RBM41: variants seen among roughly 807,000 people sequenced by gnomAD.
RBM41 encodes the protein RNA binding motif protein 41, also known as RNA-binding protein 41.
In RBM41, 14 loss-of-function variants were observed where a neutral mutation model predicts 30.8. The ratio of observed to expected loss-of-function variants is 0.45; its 90% CI spans 0.30 to 0.71. The LOEUF (loss-of-function observed/expected upper bound fraction) is 0.71. RBM41 is among the 30% of genes least tolerant of loss of function. The pLI is 0.08. For synonymous variants in RBM41, 120 were observed against 110.1 expected (o/e 1.09, Z -0.56); for missense variants, 276 against 326.3 (o/e 0.85, Z 1.19).
chrX:107,052,674 C>G, the RBM41 span, among the ~76,000 whole-genome samples: 31 of 105,598 alleles, frequency 2.9e-4, no homozygotes, highest in East Asian at 9.2e-4. Context: ...TTTGAAGAAC[C>G]ATTTGTAGCT....
chrX:107,069,579 C>T (rs751704739), intron 6 of RBM41, 177 bp from the exon 7 acceptor site: 28 of 397,819 alleles, frequency 7.0e-5, no homozygotes, highest in Admixed American at 2.1e-4. Flanking sequence ...CTCAGCCTCC[C>T]GAGTAGCTGG....
At position 107,116,072 on chromosome X, in the gene RBM41, G is replaced by A. The variant is rs373480691; in HGVS notation, c.126-18C>T. 77 of 1,134,880 alleles carry A rather than the reference G, an allele frequency of 6.8e-5. No individual in the cohort carries two copies. In the African/African-American group the frequency reaches 1.2e-3, roughly 17 times the overall value. 93.5% of individuals were successfully genotyped at this position (1,134,880 alleles called of 1,213,427 possible). ...ACATACATCTGCAAAACATGCAGGA[G>A]GAGAGTAAGAACATCTTGAGGTTAC... On this transcript the variant is annotated intron_variant, in intron 2 of 7. Transcript: ENST00000685964.
Position 107,066,577 on chromosome X carries a change from G to GA in RBM41, c.*949dup. The GA allele has an allele frequency of 3.2e-6, 1 of 315,575 alleles. No individual in the cohort carries two copies. The highest frequency in any genetic ancestry group is 4.2e-6 in the Non-Finnish European group (1 of 239,553). The allele number at this position is 315,575 out of a possible 1,213,427, so 26.0% of individuals were successfully genotyped here. A position where few individuals can be genotyped will look rare whatever the true frequency, so the allele number is the denominator to read the frequency against. On this transcript the variant is annotated 3_prime_UTR_variant, in exon 8 of 8. Transcript: ENST00000685964. ...GCATTATTATCCTCACTTTATAGATGAAAAATGTGAGGCTCAGATTAAGTG... is the reference window on the plus strand; with the variant it reads ...GCATTATTATCCTCACTTTATAGATGAAAAAATGTGAGGCTCAGATTAAGTG...
chrX:107,103,816 A>G (rs914979657), intron 5 of RBM41, among the ~76,000 whole-genome samples: 8 of 111,659 alleles, frequency 7.2e-5, no homozygotes, highest in Non-Finnish European at 1.5e-4. Flanking sequence ...AAAAATCACA[A>G]CACTAGTTGC....
At chrX:107,099,740 CA>C (rs1310402672) in intron 5 of RBM41, among the ~76,000 whole-genome samples, 1 of 109,375 alleles carries the variant, frequency 9.1e-6, no homozygotes, top group Non-Finnish European at 1.9e-5. Context: ...AACACGAAGG[CA>C]GGGGAACTGT....
intron 4 of RBM41, chrX:107,114,204 C>G (rs1924718138): frequency 9.0e-6 from 1 of 111,509 alleles, no homozygotes; most frequent in Admixed American, 9.5e-5. Context: ...CTACCTCTCT[C>G]CAATTTCACT....
intron 6 of RBM41, 45 bp downstream of exon 6, chrX:107,088,391 A>C (rs1426771619): frequency 8.8e-7 from 1 of 1,136,661 alleles, no homozygotes; most frequent in South Asian, 2.0e-5. Flanking sequence ...AGAGGTAAAT[A>C]AAAGCGAAAT....
At chrX:107,058,783 C>T (rs956754309), downstream of RBM41, among the ~76,000 whole-genome samples, 1 of 111,624 alleles carries the variant, frequency 9.0e-6, no homozygotes, top group East Asian at 2.8e-4. Flanking sequence ...GGAGGCTGTA[C>T]ATCTGAGATC....
In RBM41 at chrX:107,065,647, T is replaced by G; in HGVS notation, c.*1880A>C. ...GTATATGTTTATAGTTTTTTTATAT[T>G]AAACTTATTTCCTATTTCACGTTCT... is the stretch of plus-strand genomic sequence containing the variant. On this transcript the variant is annotated 3_prime_UTR_variant, in exon 8 of 8. Transcript: ENST00000685964. 1.2e-6 allele frequency: 1 copy of G among 805,905 alleles called. No individual in the cohort carries two copies. Among genetic ancestry groups the G allele is most frequent in the African/African-American group, 2.1e-5 (1 of 47,467 alleles). The allele number at this position is 805,905 out of a possible 1,213,427, so 66.4% of individuals were successfully genotyped here.
At chrX:107,077,453 A>T (rs1152336) in intron 6 of RBM41, among the ~76,000 whole-genome samples, 5,326 of 110,590 alleles carry the variant, frequency 0.048, 337 homozygotes, top group African/African-American at 0.17. Context: ...ATTTTTAAAA[A>T]TAAAGAGGAC....
intron 6 of RBM41, among the ~76,000 whole-genome samples, chrX:107,085,994 A>C (rs1243279898): frequency 8.9e-6 from 1 of 112,258 alleles, no homozygotes; most frequent in African/African-American, 3.2e-5. Flanking sequence ...ATCCCTATAA[A>C]TAAATATGAA....
rs924482316 is a variant in RBM41 at position 107,066,077 on chromosome X, T to C, written c.*1450A>G. On this transcript the variant is annotated 3_prime_UTR_variant, in exon 8 of 8. Coordinates refer to ENST00000685964, the MANE Select transcript of RBM41 (RefSeq NM_001324242.2). ...TTATTTCACGTTCATTTTTGAAAAATAGTTTTATTGTATATAGGATTATTG... is the reference window on the plus strand; with the variant it reads ...TTATTTCACGTTCATTTTTGAAAAACAGTTTTATTGTATATAGGATTATTG... 1.8e-5 allele frequency among the ~76,000 whole-genome samples: 2 copies of C among 111,842 alleles called. No homozygotes were observed. Among genetic ancestry groups the C allele is most frequent in the Non-Finnish European group, 3.8e-5 (2 of 53,118 alleles).
At chrX:107,110,750 T>C (rs1161674612) in intron 5 of RBM41, among the ~76,000 whole-genome samples, 3 of 111,546 alleles carry the variant, frequency 2.7e-5, no homozygotes, top group African/African-American at 9.7e-5. Context: ...CAGGTATATA[T>C]AGTCAAATGA....
At chrX:107,073,844 T>C (rs1173186996) in intron 6 of RBM41, among the ~76,000 whole-genome samples, 1 of 112,001 alleles carries the variant, frequency 8.9e-6, no homozygotes, top group Non-Finnish European at 1.9e-5. Context: ...GAGAATATTA[T>C]GTTTAGTGAA....
intron 6 of RBM41, among the ~76,000 whole-genome samples, chrX:107,086,947 T>C (rs1259916393): frequency 8.9e-6 from 1 of 112,141 alleles, no homozygotes; most frequent in Non-Finnish European, 1.9e-5. Context: ...TGTAGAATGA[T>C]AGAGTATGTC....
chrX:107,111,988 T>C (rs1924526432), intron 5 of RBM41, among the ~76,000 whole-genome samples: 1 of 111,298 alleles, frequency 9.0e-6, no homozygotes, highest in African/African-American at 3.3e-5. Flanking sequence ...AAGTACTTAA[T>C]GCCATAGAAC....
rs994519645 is a variant in RBM41 at position 107,063,193 on chromosome X, C to G, written c.*4334G>C. 9.0e-6 allele frequency among the ~76,000 whole-genome samples: 1 copy of G among 111,064 alleles called. No homozygotes were observed. The highest frequency in any genetic ancestry group is 1.9e-5 in the Non-Finnish European group (1 of 53,006). Reference sequence around the variant, plus strand: ...GAAACTTCATACACTTCAACTGTTACCCCCAGCCCTTCCCATTCCCCCCAA... The same window carrying G: ...GAAACTTCATACACTTCAACTGTTAGCCCCAGCCCTTCCCATTCCCCCCAA... On this transcript the variant is annotated 3_prime_UTR_variant, in exon 8 of 8. Coordinates refer to ENST00000685964, the MANE Select transcript of RBM41 (RefSeq NM_001324242.2).
intron 3 of RBM41, 149 bp from the exon 4 acceptor site, chrX:107,115,705 T>C: frequency 1.1e-6 from 1 of 878,450 alleles, no homozygotes; most frequent in Non-Finnish European, 1.6e-6. Flanking sequence ...GCTTCTCTTT[T>C]ACCAATGTCT....
chrX:107,095,753 C>CCAG, intron 5 of RBM41, among the ~76,000 whole-genome samples: 2 of 111,400 alleles, frequency 1.8e-5, no homozygotes. Context: ...TGGCTCATAC[C>CCAG]TGTAATCCCA....
Sources: allele counts gnomAD v4.1 joint callset (sites outside exome capture counted in the v4.1 genomes callset), GRCh38; gene constraint gnomAD v4.1.1; transcripts MANE v1.5; gene names NCBI Gene and HGNC (gene_info 2026-07-23, HGNC 2026-07-21).